Variants in LIPK observed in about 807,000 individuals in gnomAD.
LIPK encodes the protein lipase family member K.
Under a neutral mutation model 48.6 loss-of-function variants are expected in LIPK, and 32 were observed. That is an observed-to-expected ratio of 0.66 (90% CI 0.50 to 0.88). The LOEUF is 0.88. Among genes scored for constraint, LIPK ranks in the 40% least tolerant of loss-of-function variants. The probability of loss-of-function intolerance (pLI) is 0.00; values close to 1 mark genes in which losing one functional copy is unlikely to be tolerated. For synonymous variants in LIPK, 164 were observed against 157.4 expected, an observed-to-expected ratio of 1.04 and a Z score of -0.32; for missense variants, 507 against 478.5, an observed-to-expected ratio of 1.06 and a Z score of -0.56.
At position 88,726,839 on chromosome 10, in the gene LIPK, T is replaced by G. The variant is rs756995717; in HGVS notation, c.150T>G (p.Asp50Glu). 1 of 1,608,278 alleles carries G rather than the reference T, an allele frequency of 6.2e-7. No homozygotes were observed. Among genetic ancestry groups the G allele is most frequent in the South Asian group, 1.1e-5 (1 of 90,326 alleles). The change falls in exon 3 of 10, where the codon GAT becomes GAG. Residue 50 changes from aspartate (D) to glutamate (E), a missense_variant. Asp to Glu is a conservative substitution (Grantham distance 45). Coordinates refer to ENST00000404190, the MANE Select transcript of LIPK (RefSeq NM_001080518.2). ...SYWGYPYEEYDVTTKDGYILG... is the reference protein window; with the variant it reads ...SYWGYPYEEYEVTTKDGYILG... ...GGGGTTATCCTTATGAAGAGTATGA[T>G]GTTACAACAAAAGATGGTTATATCC...
chr10:88,738,260 G>A (rs572054525), intron 7 of LIPK, among the ~76,000 whole-genome samples: 34 of 152,320 alleles, frequency 2.2e-4, no homozygotes, highest in African/African-American at 7.5e-4. Context: ...AAGGGGTACC[G>A]AGAGGGATCA....
chr10:88,728,048 G>C, intron 3 of LIPK: 1 of 356,674 alleles, frequency 2.8e-6, no homozygotes, highest in Non-Finnish European at 5.6e-6. Flanking sequence ...GACTTCAAGA[G>C]TAAGTACCAG....
At chr10:88,708,076 C>T (rs1341486786) in intron 1 of LIPK, among the ~76,000 whole-genome samples, 3 of 152,106 alleles carry the variant, frequency 2.0e-5, no homozygotes, top group Admixed American at 6.6e-5. Context: ...TTCTGGCAAA[C>T]CCAGTCATTT....
At chr10:88,749,036 A>G (rs1590163935) in intron 9 of LIPK, among the ~76,000 whole-genome samples, 1 of 152,330 alleles carries the variant, frequency 6.6e-6, no homozygotes, top group South Asian at 2.1e-4. Flanking sequence ...ATAGCCACAA[A>G]AAGAATAAAA....
chr10:88,723,240 C>T (rs546554778), intron 1 of LIPK, among the ~76,000 whole-genome samples: 4 of 152,016 alleles, frequency 2.6e-5, no homozygotes, highest in South Asian at 4.1e-4. Flanking sequence ...CATATATGTC[C>T]GGCACATTAT....
intron 1 of LIPK, among the ~76,000 whole-genome samples, chr10:88,718,832 C>T (rs989900947): frequency 1.3e-5 from 2 of 151,960 alleles, no homozygotes; most frequent in African/African-American, 4.8e-5. Flanking sequence ...GTAAAGTACT[C>T]TATACAGTGA....
chr10:88,729,268 G>C (rs1842417952), intron 3 of LIPK, among the ~76,000 whole-genome samples: 3 of 118,428 alleles, frequency 2.5e-5, no homozygotes, highest in South Asian at 3.5e-4. Context: ...GGGGGGGCGG[G>C]GGAAGAGCAA....
chr10:88,745,529 A>T (rs543249014), intron 9 of LIPK, among the ~76,000 whole-genome samples: 9 of 152,282 alleles, frequency 5.9e-5, no homozygotes, highest in African/African-American at 1.9e-4. Flanking sequence ...ATACAGACAA[A>T]CTAAGCTTTA....
At chr10:88,716,572 G>A (rs1842123088) in intron 1 of LIPK, among the ~76,000 whole-genome samples, 1 of 152,044 alleles carries the variant, frequency 6.6e-6, no homozygotes, top group Non-Finnish European at 1.5e-5. Flanking sequence ...AGCCAGGCTG[G>A]TCTGGAACTC....
intron 2 of LIPK, among the ~76,000 whole-genome samples, chr10:88,726,110 A>G (rs1842333005): frequency 6.6e-6 from 1 of 152,104 alleles, no homozygotes; most frequent in Non-Finnish European, 1.5e-5. Context: ...TCTGTTTGGT[A>G]ATAGATCACT....
intron 1 of LIPK, among the ~76,000 whole-genome samples, chr10:88,715,353 G>A (rs1842096618): frequency 6.6e-6 from 1 of 152,058 alleles, no homozygotes; most frequent in Non-Finnish European, 1.5e-5. Context: ...TCTTCCTGAT[G>A]AATTGACTTT....
At chr10:88,737,550 G>A in intron 6 of LIPK, 85 bp from the exon 7 acceptor site, 1 of 1,387,044 alleles carries the variant, frequency 7.2e-7, no homozygotes. Flanking sequence ...ACCTAATACT[G>A]TGCAGTCCTT....
intron 9 of LIPK, among the ~76,000 whole-genome samples, chr10:88,749,917 C>T (rs1031542070): frequency 2.6e-5 from 4 of 152,034 alleles, no homozygotes; most frequent in Non-Finnish European, 5.9e-5. Context: ...TGACAAAGAT[C>T]TAATATCCAA....
At chr10:88,713,178 C>A (rs1564972599) in intron 1 of LIPK, among the ~76,000 whole-genome samples, 1 of 152,118 alleles carries the variant, frequency 6.6e-6, no homozygotes, top group African/African-American at 2.4e-5. Flanking sequence ...ACCTACTTAC[C>A]CTCTCTTTGC....
intron 8 of LIPK, among the ~76,000 whole-genome samples, chr10:88,742,275 C>T (rs952939222): frequency 6.6e-6 from 1 of 152,162 alleles, no homozygotes; most frequent in African/African-American, 2.4e-5. Flanking sequence ...GATCCTAGAG[C>T]CCAAGTTCCT....
intron 9 of LIPK, among the ~76,000 whole-genome samples, chr10:88,752,279 C>T (rs1171021958): frequency 6.6e-6 from 1 of 152,144 alleles, no homozygotes; most frequent in Non-Finnish European, 1.5e-5. Context: ...CTTTTATTTT[C>T]CCAAACGTGC....
intron 4 of LIPK, among the ~76,000 whole-genome samples, chr10:88,731,832 C>T (rs1173010242): frequency 6.6e-6 from 1 of 152,218 alleles, no homozygotes; most frequent in Non-Finnish European, 1.5e-5. Flanking sequence ...GTCTGCAAAT[C>T]TGTTTGCTTT....
intron 9 of LIPK, among the ~76,000 whole-genome samples, chr10:88,745,176 G>A (rs1044470948): frequency 6.9e-6 from 1 of 144,594 alleles, no homozygotes. Flanking sequence ...TGAAAGAGAG[G>A]AAGAGAGAGG....
chr10:88,740,487 G>A (rs371185247), intron 8 of LIPK, among the ~76,000 whole-genome samples: 29 of 152,284 alleles, frequency 1.9e-4, no homozygotes, highest in African/African-American at 6.7e-4. Flanking sequence ...TGAATGCTAG[G>A]GAAGAATTAA....
Sources: gnomAD v4.1 joint callset for allele counts (sites outside exome capture counted in the v4.1 genomes callset) on GRCh38, gnomAD v4.1.1 for gene constraint, MANE v1.5 for transcripts, NCBI Gene and HGNC (gene_info 2026-07-23, HGNC 2026-07-21) for gene names.